The following UNC5D variants were observed in gnomAD, a reference collection of about 807,000 sequenced individuals.
The protein encoded by UNC5D is netrin receptor UNC5D.
A neutral mutation model predicts 105.4 loss-of-function variants in UNC5D; 39 were observed. The ratio of observed to expected loss-of-function variants is 0.37; its 90% CI spans 0.29 to 0.48. The LOEUF (loss-of-function observed/expected upper bound fraction) is 0.48, where lower values mean the gene tolerates loss of function less well. UNC5D is among the 20% of genes least tolerant of loss of function. The pLI, the probability that UNC5D is intolerant of heterozygous loss-of-function variation, is 0.98. For synonymous variants in UNC5D, 452 were observed against 450.4 expected, an observed-to-expected ratio of 1.00 and a Z score of -0.04; for missense variants, 991 against 1,202.4, an observed-to-expected ratio of 0.82 and a Z score of 2.60.
intron 1 of UNC5D, among the ~76,000 whole-genome samples, chr8:35,350,275 C>A (rs1046457443): frequency 6.6e-6 from 1 of 151,804 alleles, no homozygotes; most frequent in African/African-American, 2.4e-5. Context: ...CAAATTGTAG[C>A]ATAGTCATTT....
At chr8:35,334,710 C>T (rs1213991601) in intron 1 of UNC5D, among the ~76,000 whole-genome samples, 2 of 151,996 alleles carry the variant, frequency 1.3e-5, no homozygotes, top group Non-Finnish European at 2.9e-5. Context: ...GACGGGGTTT[C>T]ACCATGTTGG....
At chr8:35,376,728 G>A (rs1802718785) in intron 1 of UNC5D, among the ~76,000 whole-genome samples, 1 of 152,092 alleles carries the variant, frequency 6.6e-6, no homozygotes, top group Admixed American at 6.5e-5. Flanking sequence ...AAAGCCTTCT[G>A]CACTTGGTCC....
chr8:35,786,028 C>T (rs1802727528), intron 16 of UNC5D, among the ~76,000 whole-genome samples: 1 of 152,120 alleles, frequency 6.6e-6, no homozygotes, highest in Non-Finnish European at 1.5e-5. Context: ...CTGACCCCTC[C>T]TCTACATTCT....
intron 16 of UNC5D, among the ~76,000 whole-genome samples, chr8:35,774,768 C>T (rs545783624): frequency 6.6e-6 from 1 of 151,936 alleles, no homozygotes; most frequent in East Asian, 1.9e-4. Context: ...CCCATCTCCA[C>T]AAAAAATAAT....
chr8:35,784,349 GCTCA>G (rs938894190), intron 16 of UNC5D, among the ~76,000 whole-genome samples: 2 of 152,194 alleles, frequency 1.3e-5, no homozygotes, highest in African/African-American at 2.4e-5. Context: ...GTTTATCTGT[GCTCA>G]CTCAGAGTTC....
chr8:35,250,270 G>T (rs1803603320), intron 1 of UNC5D, among the ~76,000 whole-genome samples: 1 of 152,050 alleles, frequency 6.6e-6, no homozygotes, highest in African/African-American at 2.4e-5. Flanking sequence ...GTTTGTTGTT[G>T]TTTGCTTGTT....
chr8:35,771,301 A>C (rs1446885165), intron 15 of UNC5D, among the ~76,000 whole-genome samples: 4 of 152,208 alleles, frequency 2.6e-5, no homozygotes, highest in African/African-American at 9.6e-5. Context: ...GAGGGCTTTC[A>C]GAGGCCAATT....
chr8:35,709,247 T>C (rs1563691519), intron 8 of UNC5D, among the ~76,000 whole-genome samples: 1 of 151,976 alleles, frequency 6.6e-6, no homozygotes, highest in African/African-American at 2.4e-5. Flanking sequence ...CAAGCTTACG[T>C]GTTAGTGAGG....
chr8:35,423,838 G>A (rs186307049), intron 1 of UNC5D, among the ~76,000 whole-genome samples: 71 of 150,178 alleles, frequency 4.7e-4, no homozygotes, highest in African/African-American at 1.6e-3. Context: ...ACTGGAAGAT[G>A]TTAATAAGGA....
intron 16 of UNC5D, among the ~76,000 whole-genome samples, chr8:35,788,861 C>T (rs868650482): frequency 1.1e-4 from 16 of 151,736 alleles, no homozygotes; most frequent in Non-Finnish European, 4.4e-5. Flanking sequence ...GATTTCGAAC[C>T]ATTGAGACAC....
At chr8:35,582,370 G>A (rs868476016) in intron 3 of UNC5D, among the ~76,000 whole-genome samples, 4 of 152,148 alleles carry the variant, frequency 2.6e-5, no homozygotes, top group Admixed American at 6.5e-5. Flanking sequence ...ATTCTGCTGG[G>A]TCGTTTTATT....
At chr8:35,697,995 T>C (rs1445445826) in intron 7 of UNC5D, among the ~76,000 whole-genome samples, 1 of 152,056 alleles carries the variant, frequency 6.6e-6, no homozygotes, top group East Asian at 1.9e-4. Context: ...CAAACCTCCC[T>C]ACCTCCCTCC....
At chr8:35,549,653 C>G (rs1418762249) in intron 2 of UNC5D, 143 bp downstream of exon 2, 1 of 777,164 alleles carries the variant, frequency 1.3e-6, no homozygotes, top group Non-Finnish European at 2.0e-6. Context: ...ATATAAGATG[C>G]AATCCTTTTC....
At chr8:35,573,933 C>G (rs983819125) in intron 3 of UNC5D, among the ~76,000 whole-genome samples, 19 of 152,086 alleles carry the variant, frequency 1.2e-4, no homozygotes, top group African/African-American at 4.1e-4. Flanking sequence ...ATAAATAAAG[C>G]CAACCTACAT....
chr8:35,530,883 G>A (rs1488006272), intron 1 of UNC5D, among the ~76,000 whole-genome samples: 98 of 133,794 alleles, frequency 7.3e-4, no homozygotes, highest in African/African-American at 2.1e-3. Flanking sequence ...CTGTGGGATT[G>A]GTGGTGATAT....
intron 10 of UNC5D, among the ~76,000 whole-genome samples, chr8:35,729,448 T>G (rs770438203): frequency 5.9e-5 from 9 of 152,228 alleles, no homozygotes; most frequent in Non-Finnish European, 1.0e-4. Flanking sequence ...TTATTATTGT[T>G]GCTTGATGAT....
intron 1 of UNC5D, among the ~76,000 whole-genome samples, chr8:35,520,137 T>TGGGA (rs1262320724): frequency 1.3e-5 from 2 of 152,064 alleles, no homozygotes; most frequent in Non-Finnish European, 2.9e-5. Context: ...AGCAGAATTA[T>TGGGA]CCCTAATAGA....
chr8:35,757,018 T>C (rs1002559108), intron 13 of UNC5D, among the ~76,000 whole-genome samples: 7 of 152,130 alleles, frequency 4.6e-5, no homozygotes, highest in Admixed American at 1.3e-4. Context: ...TTGTTTCTAA[T>C]CTTGCACCAG....
chr8:35,386,176 TAAG>T (rs1803385719), intron 1 of UNC5D, among the ~76,000 whole-genome samples: 1 of 152,160 alleles, frequency 6.6e-6, no homozygotes, highest in Non-Finnish European at 1.5e-5. Context: ...TTTCTAGGAG[TAAG>T]AAGTATTCAT....
Sources: allele counts gnomAD v4.1 joint callset (sites outside exome capture counted in the v4.1 genomes callset), GRCh38; gene constraint gnomAD v4.1.1; transcripts MANE v1.5; gene names NCBI Gene and HGNC (gene_info 2026-07-23, HGNC 2026-07-21).